IL34: variants seen among roughly 807,000 people sequenced by gnomAD.
IL34 encodes the protein interleukin-34.
A neutral mutation model predicts 25.3 loss-of-function variants in IL34; 17 were observed. The ratio of observed to expected loss-of-function variants is 0.67; its 90% CI spans 0.46 to 1.01. IL34 has a LOEUF of 1.01. IL34 is among the 50% of genes least tolerant of loss of function. IL34 has a pLI of 0.00. For synonymous variants in IL34, 174 were observed against 140.9 expected (o/e 1.23, Z -1.66); for missense variants, 368 against 312.9 (o/e 1.18, Z -1.33).
At chr16:70,643,308 C>T (rs2051831111), upstream of IL34, among the ~76,000 whole-genome samples, 3 of 152,312 alleles carry the variant, frequency 2.0e-5, no homozygotes, top group Non-Finnish European at 2.9e-5. Context: ...AGGTGATCCA[C>T]CTGCCTTGGC....
rs536261748 is a variant in IL34, at chr16:70,589,908, C to G, written c.-401+9859C>G. On this transcript the variant is annotated intron_variant, in intron 1 of 6. Coordinates refer to the IL34 transcript ENST00000429149. The stretch of plus-strand genomic sequence containing the variant: ...AGAGTGTTGGGATTACAGGCGTGAG[C>G]CACTGCACCCGGCCTTACCATGATT... Among the ~76,000 whole-genome samples the G allele has an allele frequency of 2.0e-5, 3 of 152,326 alleles. No individual in the cohort carries two copies. In the East Asian group the frequency reaches 5.8e-4, roughly 29 times the overall value.
intron 1 of IL34, among the ~76,000 whole-genome samples, chr16:70,627,245 A>G (rs1448464347): frequency 6.6e-6 from 1 of 152,182 alleles, no homozygotes; most frequent in African/African-American, 2.4e-5. Context: ...ATCTAATTAC[A>G]CAAACACACA....
chr16:70,626,644 C>T (rs761495538), intron 1 of IL34, among the ~76,000 whole-genome samples: 29 of 152,300 alleles, frequency 1.9e-4, no homozygotes, highest in Admixed American at 1.1e-3. Flanking sequence ...GATCTGCCCA[C>T]CTCAGCCTCC....
intron 1 of IL34, among the ~76,000 whole-genome samples, chr16:70,633,655 CAG>C (rs1239735632): frequency 6.6e-6 from 1 of 152,116 alleles, no homozygotes; most frequent in East Asian, 1.9e-4. Flanking sequence ...CTTAAAGCAA[CAG>C]AAATGTATTC....
At chr16:70,616,356 A>G (rs1182371878) in intron 1 of IL34, among the ~76,000 whole-genome samples, 1 of 152,162 alleles carries the variant, frequency 6.6e-6, no homozygotes, top group Non-Finnish European at 1.5e-5. Context: ...ATTAAATTGG[A>G]TTTATATCAT....
chr16:70,634,385 T>G (rs2051591498), intron 1 of IL34, among the ~76,000 whole-genome samples: 1 of 152,004 alleles, frequency 6.6e-6, no homozygotes, highest in African/African-American at 2.4e-5. Context: ...AAAGAAGAGA[T>G]AGAACATTTC....
intron 1 of IL34, among the ~76,000 whole-genome samples, chr16:70,625,943 G>A (rs1238819021): frequency 6.6e-6 from 1 of 152,234 alleles, no homozygotes; most frequent in Non-Finnish European, 1.5e-5. Context: ...CTTTCTCACA[G>A]AGCAAAGAGC....
intron 1 of IL34, among the ~76,000 whole-genome samples, chr16:70,604,806 C>T (rs2050974934): frequency 6.6e-6 from 1 of 152,080 alleles, no homozygotes; most frequent in African/African-American, 2.4e-5. Context: ...GAGCGGGGAC[C>T]GAGGGCCTGG....
chr16:70,647,691 G>T (rs2051974639), intron 1 of IL34, among the ~76,000 whole-genome samples: 1 of 152,102 alleles, frequency 6.6e-6, no homozygotes, highest in Admixed American at 6.5e-5. Flanking sequence ...TCGTGCCTCT[G>T]TCTCCAACGC....
chr16:70,647,682 C>G (rs188611112), intron 1 of IL34, among the ~76,000 whole-genome samples: 8 of 152,132 alleles, frequency 5.3e-5, no homozygotes, highest in Admixed American at 3.3e-4. Context: ...CTTGCTGTCT[C>G]GTGCCTCTGT....
At chr16:70,627,634 A>C (rs77803853) in intron 1 of IL34, among the ~76,000 whole-genome samples, 2,497 of 152,034 alleles carry the variant, frequency 0.016, 74 homozygotes, top group African/African-American at 0.058. Flanking sequence ...ATACCTGGCT[A>C]ATCTTTTTAT....
chr16:70,587,213 C>A (rs1398026483), intron 1 of IL34, among the ~76,000 whole-genome samples: 3 of 151,872 alleles, frequency 2.0e-5, no homozygotes, highest in African/African-American at 4.8e-5. Flanking sequence ...AGTGACACAG[C>A]GAGGATTTGT....
Position 70,646,712 on chromosome 16 carries a change from T to A in IL34, c.-236T>A. On this transcript the variant is annotated 5_prime_UTR_variant, in exon 1 of 6. It removes an upstream start codon present in the reference 5' UTR. Coordinates refer to ENST00000288098, the MANE Select transcript of IL34 (RefSeq NM_001393494.1). ...GCTCAGACCTGCTTCTGGGCTGCCA[T>A]GGGACTTGCGGCCACCGCCCCCCGG... 1 of 480,664 alleles carries A rather than the reference T, an allele frequency of 2.1e-6. No homozygotes were observed. Among genetic ancestry groups the A allele is most frequent in the Non-Finnish European group, 3.6e-6 (1 of 276,308 alleles). The allele number at this position is 480,664 out of a possible 1,614,324, so 29.8% of individuals were successfully genotyped here.
intron 1 of IL34, among the ~76,000 whole-genome samples, chr16:70,629,171 A>G (rs2051462871): frequency 6.6e-6 from 1 of 152,092 alleles, no homozygotes; most frequent in African/African-American, 2.4e-5. Flanking sequence ...ACCTCCTCCT[A>G]TTTAACTCTT....
At chr16:70,643,613 G>A (rs891123702), upstream of IL34, among the ~76,000 whole-genome samples, 3 of 152,238 alleles carry the variant, frequency 2.0e-5, no homozygotes, top group Non-Finnish European at 4.4e-5. Flanking sequence ...GGGCTGAAGC[G>A]ATCCCCCGGC....
chr16:70,628,289 C>A (rs1041837290), intron 1 of IL34, among the ~76,000 whole-genome samples: 1 of 152,044 alleles, frequency 6.6e-6, no homozygotes, highest in Non-Finnish European at 1.5e-5. Context: ...TTAAATCTTC[C>A]CATCCAAGAA....
chr16:70,629,428 T>G (rs2051467615), intron 1 of IL34, among the ~76,000 whole-genome samples: 1 of 152,204 alleles, frequency 6.6e-6, no homozygotes, highest in Admixed American at 6.5e-5. Flanking sequence ...AGTTGTCCTT[T>G]TGTATACTTG....
intron 1 of IL34, among the ~76,000 whole-genome samples, chr16:70,619,887 G>A (rs1015021023): frequency 3.3e-5 from 5 of 152,186 alleles, no homozygotes; most frequent in Non-Finnish European, 5.9e-5. Context: ...CCGGGCTGCC[G>A]GCATTCCTTG....
intron 1 of IL34, among the ~76,000 whole-genome samples, chr16:70,609,635 A>T (rs1370093422): frequency 6.6e-6 from 1 of 152,210 alleles, no homozygotes; most frequent in African/African-American, 2.4e-5. Context: ...GCCCAGAGAC[A>T]GGTGCACTGA....
Sources: allele counts gnomAD v4.1 joint callset (sites outside exome capture counted in the v4.1 genomes callset), GRCh38; gene constraint gnomAD v4.1.1; transcripts MANE v1.5; gene names NCBI Gene and HGNC (gene_info 2026-07-23, HGNC 2026-07-21).